The following PTDSS1 variants were observed in gnomAD, a reference collection of about 807,000 sequenced individuals.
PTDSS1 encodes the protein PSS-1.
A neutral mutation model predicts 70.5 loss-of-function variants in PTDSS1; 45 were observed. The observed-to-expected ratio is 0.64, with a 90% CI of 0.50 to 0.82. PTDSS1 has a LOEUF of 0.82. PTDSS1 is among the 40% of genes least tolerant of loss of function. PTDSS1 has a pLI of 0.00. For missense variants in PTDSS1, 417 were observed against 586.1 expected, an observed-to-expected ratio of 0.71 and a Z score of 2.98; for synonymous variants, 188 against 203.8, an observed-to-expected ratio of 0.92 and a Z score of 0.66.
intron 9 of PTDSS1, among the ~76,000 whole-genome samples, chr8:96,317,055 A>ATGTGTGTG (rs1811301819): frequency 3.8e-5 from 4 of 106,108 alleles, no homozygotes; most frequent in African/African-American, 1.8e-4. Flanking sequence ...GTGTATATAT[A>ATGTGTGTG]TATGTGTGTG....
At chr8:96,265,067 A>G (rs1810467332) in intron 1 of PTDSS1, among the ~76,000 whole-genome samples, 1 of 152,224 alleles carries the variant, frequency 6.6e-6, no homozygotes, top group Non-Finnish European at 1.5e-5. Flanking sequence ...ATATTCCTCC[A>G]TAAAGACGGA....
chr8:96,327,621 AAG>A (rs1811456243), intron 10 of PTDSS1, among the ~76,000 whole-genome samples: 1 of 152,132 alleles, frequency 6.6e-6, no homozygotes, highest in Non-Finnish European at 1.5e-5. Flanking sequence ...CTGGCCTGGT[AAG>A]AGAGCGCACA....
intron 2 of PTDSS1, among the ~76,000 whole-genome samples, chr8:96,279,854 T>TAAATAAA (rs1441480411): frequency 6.8e-6 from 1 of 146,906 alleles, no homozygotes; most frequent in African/African-American, 2.5e-5. Flanking sequence ...AATAAATAAA[T>TAAATAAA]TTTCTTTTCC....
chr8:96,282,894 A>C (rs1286291347), intron 2 of PTDSS1, among the ~76,000 whole-genome samples: 1 of 152,154 alleles, frequency 6.6e-6, no homozygotes, highest in Non-Finnish European at 1.5e-5. Context: ...CTGAGCTTCC[A>C]GAAACAGGCA....
chr8:96,322,212 C>T (rs1811381883), intron 10 of PTDSS1, among the ~76,000 whole-genome samples: 1 of 152,162 alleles, frequency 6.6e-6, no homozygotes, highest in Admixed American at 6.5e-5. Context: ...TCTTCTCAGG[C>T]CACCTACCCA....
At position 96,333,828 on chromosome 8, in the gene PTDSS1, G is replaced by A. The variant is rs1305682900; in HGVS notation, c.*262G>A. 1 of 681,384 alleles carries A rather than the reference G, an allele frequency of 1.5e-6. No individual in the cohort carries two copies. Among genetic ancestry groups the A allele is most frequent in the Non-Finnish European group, 2.7e-6 (1 of 375,956 alleles). The allele number at this position is 681,384 out of a possible 1,614,324, so 42.2% of individuals were successfully genotyped here. Reference sequence around the variant, plus strand: ...GACATGCGGTCACCGGTGGCAGCGCGGTGTGTTGAAGGGAAACGGTAGCTA... The same window carrying A: ...GACATGCGGTCACCGGTGGCAGCGCAGTGTGTTGAAGGGAAACGGTAGCTA... On this transcript the variant is annotated 3_prime_UTR_variant, in exon 13 of 13. Coordinates refer to ENST00000517309, the MANE Select transcript of PTDSS1 (RefSeq NM_014754.3).
intron 3 of PTDSS1, 74 bp downstream of exon 3, chr8:96,284,227 T>C (rs1021579556): frequency 2.2e-6 from 3 of 1,353,718 alleles, no homozygotes; most frequent in Non-Finnish European, 1.0e-6. Context: ...TTTAAGACTT[T>C]TACTTGCTAC....
At chr8:96,309,519 C>T (rs938490495) in intron 8 of PTDSS1, 38 bp from the exon 9 acceptor site, 1 of 1,590,058 alleles carries the variant, frequency 6.3e-7, no homozygotes, top group African/African-American at 1.3e-5. Context: ...TGCTGGTCTT[C>T]CAGCAGCTCT....
rs146726886 is a variant in PTDSS1, at chr8:96,321,009, G to A, written c.1173+664G>A. Among the ~76,000 whole-genome samples, 320 of 152,288 alleles carry A rather than the reference G, an allele frequency of 2.1e-3. 1 individual carries two copies. The highest frequency in any genetic ancestry group is 7.5e-3 in the African/African-American group (310 of 41,548). On this transcript the variant is annotated intron_variant, in intron 10 of 12. Transcript: ENST00000517309. ...TTTAAATATTTGAAGTTATTATTTT[G>A]AAGAAAAGTTCTTATTTTATATTTA...
chr8:96,293,663 AT>A (rs1182348658), intron 4 of PTDSS1, among the ~76,000 whole-genome samples: 3 of 152,236 alleles, frequency 2.0e-5, no homozygotes, highest in African/African-American at 7.2e-5. Context: ...GGTCTTTATG[AT>A]TTTTAAAATG....
chr8:96,295,776 T>C (rs567698415), intron 5 of PTDSS1, among the ~76,000 whole-genome samples: 1 of 152,334 alleles, frequency 6.6e-6, no homozygotes. Context: ...CAAAATGAAA[T>C]TTTGGGAACT....
intron 9 of PTDSS1, among the ~76,000 whole-genome samples, chr8:96,313,360 C>A (rs1360440652): frequency 6.6e-6 from 1 of 152,144 alleles, no homozygotes; most frequent in Non-Finnish European, 1.5e-5. Context: ...TCGGCTGTTT[C>A]TCTATTTAGA....
At chr8:96,309,699 T>A in intron 9 of PTDSS1, 77 bp downstream of exon 9, 1 of 1,410,362 alleles carries the variant, frequency 7.1e-7, no homozygotes, top group Non-Finnish European at 1.0e-6. Context: ...GACCCTGTGT[T>A]AAGAGCCTTT....
At chr8:96,280,320 G>A (rs1810717211) in intron 2 of PTDSS1, among the ~76,000 whole-genome samples, 1 of 152,146 alleles carries the variant, frequency 6.6e-6, no homozygotes, top group South Asian at 2.1e-4. Flanking sequence ...TCAGGAGTTT[G>A]AGACCAGCCT....
rs573909186 is a variant in PTDSS1, at chr8:96,289,614, T to C, written c.441+2468T>C. The stretch of plus-strand genomic sequence containing the variant: ...TGTGTTCTTTTCCAATGTTTTTTAA[T>C]CCCAACATTTGGTACAGGTTAATTT... On this transcript the variant is annotated intron_variant, in intron 4 of 12. Coordinates refer to ENST00000517309, the MANE Select transcript of PTDSS1 (RefSeq NM_014754.3). Among the ~76,000 whole-genome samples, 24 of 152,294 alleles carry C rather than the reference T, an allele frequency of 1.6e-4. 1 individual carries two copies. Among genetic ancestry groups the C allele is most frequent in the Admixed American group, 1.4e-3 (21 of 15,298 alleles).
chr8:96,283,598 GTCTC>G (rs72003115), intron 2 of PTDSS1: 1,990 of 145,334 alleles, frequency 0.014, 50 homozygotes, highest in East Asian at 0.063. Flanking sequence ...TTATTTTTCA[GTCTC>G]TCTCTCTCTC....
intron 9 of PTDSS1, among the ~76,000 whole-genome samples, chr8:96,318,322 T>TAA (rs11455106): frequency 0.069 from 10,208 of 148,446 alleles, 416 homozygotes; most frequent in African/African-American, 0.1. Flanking sequence ...AGACTCTATT[T>TAA]AAAAAAAAAA....
chr8:96,273,932 C>T (rs1001276568), intron 2 of PTDSS1, among the ~76,000 whole-genome samples: 4 of 152,108 alleles, frequency 2.6e-5, no homozygotes, highest in African/African-American at 9.7e-5. Flanking sequence ...AATTTTACCC[C>T]CATCATGATT....
chr8:96,297,503 A>G (rs1810992115), intron 5 of PTDSS1, among the ~76,000 whole-genome samples: 1 of 151,990 alleles, frequency 6.6e-6, no homozygotes, highest in Non-Finnish European at 1.5e-5. Context: ...ATAGAATCCA[A>G]ACTTCCAACC....
Sources: gnomAD v4.1 joint callset for allele counts (sites outside exome capture counted in the v4.1 genomes callset) on GRCh38, gnomAD v4.1.1 for gene constraint, MANE v1.5 for transcripts, NCBI Gene and HGNC (gene_info 2026-07-23, HGNC 2026-07-21) for gene names.